PTPRD: variants seen among roughly 807,000 people sequenced by gnomAD.
PTPRD encodes the protein receptor-type tyrosine-protein phosphatase delta.
PTPRD carries 34 observed loss-of-function variants against 214.5 expected under a neutral mutation model. The ratio of observed to expected loss-of-function variants is 0.16; its 90% CI spans 0.12 to 0.21. PTPRD has a LOEUF of 0.21. Among genes scored for constraint, PTPRD ranks in the 10% least tolerant of loss-of-function variants. PTPRD has a pLI of 1.00. For synonymous variants in PTPRD, 1,128 were observed against 845.7 expected (o/e 1.33, Z -5.79); for missense variants, 2,545 against 2,398.7 (o/e 1.06, Z -1.27).
chr9:8,861,866 A>G (rs1325605275), intron 11 of PTPRD: 1 of 152,214 alleles, frequency 6.6e-6, no homozygotes, highest in East Asian at 1.9e-4. Context: ...CTTTTCCTGT[A>G]GGTGTTAGCT....
At chr9:8,442,426 G>A (rs936633526) in intron 34 of PTPRD, among the ~76,000 whole-genome samples, 1 of 152,074 alleles carries the variant, frequency 6.6e-6, no homozygotes, top group Non-Finnish European at 1.5e-5. Context: ...CATTAATAAC[G>A]GTGGTACATC....
chr9:8,465,039 C>T, intron 32 of PTPRD, among the ~76,000 whole-genome samples: 1 of 151,856 alleles, frequency 6.6e-6, no homozygotes, highest in East Asian at 1.9e-4. Context: ...TGTTGAATGG[C>T]CAAGCTTGTG....
At chr9:10,120,361 T>C (rs1398633419) in intron 3 of PTPRD, among the ~76,000 whole-genome samples, 4 of 151,996 alleles carry the variant, frequency 2.6e-5, no homozygotes, top group Non-Finnish European at 5.9e-5. Context: ...AAACAACCAC[T>C]GCTCTGATTT....
intron 4 of PTPRD, among the ~76,000 whole-genome samples, chr9:10,023,372 G>A (rs1487495416): frequency 2.0e-5 from 3 of 152,042 alleles, no homozygotes; most frequent in African/African-American, 4.8e-5. Context: ...TGAATAATGG[G>A]GTATTATAAA....
chr9:8,849,842 A>G (rs2097778290), intron 11 of PTPRD, among the ~76,000 whole-genome samples: 1 of 152,210 alleles, frequency 6.6e-6, no homozygotes, highest in South Asian at 2.1e-4. Context: ...TTGATCAAGT[A>G]GACTTGAGCA....
At chr9:9,108,112 C>T (rs770820592) in intron 10 of PTPRD, among the ~76,000 whole-genome samples, 3 of 152,114 alleles carry the variant, frequency 2.0e-5, no homozygotes, top group Non-Finnish European at 4.4e-5. Context: ...GCTCATATCA[C>T]GGAATACTAT....
intron 11 of PTPRD, among the ~76,000 whole-genome samples, chr9:8,753,335 T>C (rs2093696771): frequency 6.6e-6 from 1 of 152,246 alleles, no homozygotes; most frequent in African/African-American, 2.4e-5. Flanking sequence ...TTTCACCAAG[T>C]ACACTGACAG....
chr9:8,437,172 C>T (rs2095386121), intron 34 of PTPRD: 1 of 1,492,314 alleles, frequency 6.7e-7, no homozygotes, highest in African/African-American at 1.4e-5. Context: ...CATAAAATGA[C>T]TTATGCATAA....
intron 2 of PTPRD, among the ~76,000 whole-genome samples, chr9:10,527,805 T>G (rs1010780734): frequency 3.3e-5 from 5 of 152,144 alleles, no homozygotes; most frequent in Non-Finnish European, 7.3e-5. Context: ...TAGCAATAAT[T>G]ACTTATGCAT....
chr9:9,383,001 G>T (rs1156706740), intron 9 of PTPRD, among the ~76,000 whole-genome samples: 1 of 151,638 alleles, frequency 6.6e-6, no homozygotes, highest in Non-Finnish European at 1.5e-5. Flanking sequence ...CTTGTCATTT[G>T]CAACAACATG....
chr9:10,018,091 T>G (rs1349549608), intron 4 of PTPRD, among the ~76,000 whole-genome samples: 1 of 152,086 alleles, frequency 6.6e-6, no homozygotes, highest in Non-Finnish European at 1.5e-5. Context: ...ATTACTAGAT[T>G]ATTAGGTTAT....
At chr9:10,519,557 C>G (rs1164976782) in intron 2 of PTPRD, among the ~76,000 whole-genome samples, 1 of 152,098 alleles carries the variant, frequency 6.6e-6, no homozygotes, top group East Asian at 1.9e-4. Flanking sequence ...TGTCTTAGCA[C>G]ATAGAGGCAT....
intron 9 of PTPRD, among the ~76,000 whole-genome samples, chr9:9,342,490 T>C (rs7019201): frequency 0.42 from 64,408 of 151,976 alleles, 13,740 homozygotes; most frequent in Non-Finnish European, 0.44. Context: ...TTTGGCTATA[T>C]GCTTTCTAAT....
At chr9:9,756,916 T>G (rs1488997750) in intron 6 of PTPRD, among the ~76,000 whole-genome samples, 1 of 152,218 alleles carries the variant, frequency 6.6e-6, no homozygotes, top group East Asian at 1.9e-4. Flanking sequence ...CTGAAAAACA[T>G]GCTAGTCGTT....
chr9:9,205,922 G>C (rs895747097), intron 9 of PTPRD, among the ~76,000 whole-genome samples: 1 of 152,204 alleles, frequency 6.6e-6, no homozygotes, highest in Non-Finnish European at 1.5e-5. Context: ...TAAGTGACTT[G>C]AAGGGGAGAG....
At chr9:9,035,833 C>A (rs781619512) in intron 10 of PTPRD, among the ~76,000 whole-genome samples, 1 of 151,876 alleles carries the variant, frequency 6.6e-6, no homozygotes, top group Admixed American at 6.6e-5. Context: ...GCTTATTCAA[C>A]AATAAAGGTG....
intron 5 of PTPRD, among the ~76,000 whole-genome samples, chr9:9,823,319 G>A (rs1319852729): frequency 6.6e-6 from 1 of 151,876 alleles, no homozygotes; most frequent in Non-Finnish European, 1.5e-5. Context: ...GTGAAAATAG[G>A]AGCAAGAGAG....
intron 9 of PTPRD, among the ~76,000 whole-genome samples, chr9:9,312,661 G>A (rs1959582489): frequency 6.6e-6 from 1 of 152,140 alleles, no homozygotes; most frequent in Admixed American, 6.5e-5. Context: ...TCCCAGGTGG[G>A]TTCCTGTGTT....
intron 5 of PTPRD, among the ~76,000 whole-genome samples, chr9:9,816,998 C>T (rs1213917149): frequency 6.6e-6 from 1 of 152,024 alleles, no homozygotes; most frequent in Non-Finnish European, 1.5e-5. Context: ...TACGTAACTA[C>T]AGCATTAGAA....
Sources: allele counts gnomAD v4.1 joint callset (sites outside exome capture counted in the v4.1 genomes callset), GRCh38; gene constraint gnomAD v4.1.1; transcripts MANE v1.5; gene names NCBI Gene and HGNC (gene_info 2026-07-23, HGNC 2026-07-21).